GAN: variants seen among roughly 807,000 people sequenced by gnomAD.
The protein encoded by GAN is epididymis secretory sperm binding protein.
In GAN, 48 loss-of-function variants were observed where a neutral mutation model predicts 71.3. The observed-to-expected ratio is 0.67, with a 90% CI of 0.53 to 0.86. GAN has a LOEUF of 0.86. Among genes scored for constraint, GAN ranks in the 40% least tolerant of loss-of-function variants. GAN has a pLI of 0.00. For synonymous variants in GAN, 386 were observed against 276.8 expected (o/e 1.39, Z -3.92); for missense variants, 928 against 770.1 (o/e 1.21, Z -2.43).
chr16:81,375,853 C>A (rs1483700694), intron 9 of GAN, among the ~76,000 whole-genome samples: 1 of 151,436 alleles, frequency 6.6e-6, no homozygotes, highest in Non-Finnish European at 1.5e-5. Context: ...ACCTGTGGTC[C>A]CAACTATTTG....
At chr16:81,358,248 G>A (rs1291342764) in intron 5 of GAN, among the ~76,000 whole-genome samples, 2 of 152,154 alleles carry the variant, frequency 1.3e-5, no homozygotes, top group East Asian at 1.9e-4. Context: ...GGAACACAGC[G>A]TTTCTTTGCA....
At chr16:81,321,035 C>T (rs1285735438) in intron 1 of GAN, among the ~76,000 whole-genome samples, 2 of 151,940 alleles carry the variant, frequency 1.3e-5, no homozygotes, top group Non-Finnish European at 2.9e-5. Flanking sequence ...ATATTTTATC[C>T]AGGCTTCTAA....
At chr16:81,339,938 C>T (rs896339852) in intron 1 of GAN, among the ~76,000 whole-genome samples, 7 of 152,134 alleles carry the variant, frequency 4.6e-5, no homozygotes, top group Admixed American at 1.3e-4. Flanking sequence ...TTGGAGACTT[C>T]AAGTGTACAG....
intron 1 of GAN, among the ~76,000 whole-genome samples, chr16:81,315,588 G>A (rs1330923013): frequency 1.3e-5 from 2 of 152,050 alleles, no homozygotes; most frequent in Non-Finnish European, 1.5e-5. Context: ...CGCGGCGAGC[G>A]CCCGACCTCG....
At chr16:81,376,758 A>G (rs1904282806) in intron 9 of GAN, among the ~76,000 whole-genome samples, 1 of 151,986 alleles carries the variant, frequency 6.6e-6, no homozygotes. Flanking sequence ...CACACCTGTA[A>G]TCTCAGCTAC....
chr16:81,365,438 G>A lies in GAN; in HGVS notation c.1462G>A (p.Val488Ile), dbSNP rs1361444099. The change falls in exon 9 of 11, where the codon GTA becomes ATA. Residue 488 changes from valine to isoleucine, a missense_variant. Transcript: ENST00000648994. ...TGAGGACGCCCAGGGTAGCGAGATG[G>A]TAACTTGCAAGTCCGAGTTCTACCA... ...SREDAQGSEM[V>I]TCKSEFYHDE... 2.5e-6 allele frequency: 4 copies of A among 1,613,566 alleles called. No homozygotes were observed. The highest frequency in any genetic ancestry group is 3.4e-6 in the Non-Finnish European group (4 of 1,179,918).
chr16:81,314,982 G>A lies in GAN; in HGVS notation c.-132G>A, dbSNP rs910117246. On this transcript the variant is annotated 5_prime_UTR_variant, in exon 1 of 11. Transcript: ENST00000648994. ...GCCGCGGATAGCACAGGCACGTCCC[G>A]GGGGCTCCAGCTTCTGCTCAGAGCG... The A allele has an allele frequency of 1.9e-5, 14 of 732,688 alleles. No homozygotes were observed. Among genetic ancestry groups the A allele is most frequent in the African/African-American group, 1.3e-4 (7 of 53,618 alleles). The allele number at this position is 732,688 out of a possible 1,614,324, so 45.4% of individuals were successfully genotyped here. A position where few individuals can be genotyped will look rare whatever the true frequency, so the allele number is the denominator to read the frequency against.
At position 81,363,922 on chromosome 16, in the gene GAN, T is replaced by C; in HGVS notation, c.1215T>C (p.Pro405=). The part of the protein sequence containing the change: ...DIYSKTWTKQ[P]DLTMVRKIGC... ...ATTCTAAAACCTGGACAAAGCAACC[T>C]GATTTGACCATGGTCAGAAAGGTGA... The change falls in exon 7 of 11, where the codon CCT becomes CCC. Residue 405 remains proline, a synonymous_variant. Transcript: ENST00000648994. The C allele has an allele frequency of 6.2e-7, 1 of 1,613,608 alleles. No individual in the cohort carries two copies. Among genetic ancestry groups the C allele is most frequent in the Non-Finnish European group, 8.5e-7 (1 of 1,179,484 alleles).
intron 1 of GAN, among the ~76,000 whole-genome samples, chr16:81,331,149 G>T (rs1422618460): frequency 6.6e-6 from 1 of 152,242 alleles, no homozygotes; most frequent in African/African-American, 2.4e-5. Flanking sequence ...AGGCTGCAGT[G>T]ATCTGTGCTC....
intron 1 of GAN, among the ~76,000 whole-genome samples, chr16:81,319,222 A>ATATATATATATATATC (rs1043279307): frequency 6.7e-6 from 1 of 148,564 alleles, no homozygotes; most frequent in Admixed American, 6.7e-5. Flanking sequence ...ATATATATAT[A>ATATATATATATATATC]TATCTAACAA....
At position 81,385,279 on chromosome 16, in the gene GAN, C is replaced by T. The variant is rs1904366375; in HGVS notation, c.*7683C>T. On this transcript the variant is annotated 3_prime_UTR_variant, in exon 11 of 11. Transcript: ENST00000648994. The stretch of plus-strand genomic sequence containing the variant: ...ATGAGACATTTCCTGGAAGTGATTT[C>T]CATGAGAACAAAGGCTTATTCCTTT... 1 of 152,168 alleles carries T rather than the reference C, an allele frequency of 6.6e-6. No homozygotes were observed. The highest frequency in any genetic ancestry group is 1.5e-5 in the Non-Finnish European group (1 of 68,026). The allele number at this position is 152,168 out of a possible 1,614,324, so 9.4% of individuals were successfully genotyped here. A position where few individuals can be genotyped will look rare whatever the true frequency, so the allele number is the denominator to read the frequency against.
rs1211289629 is a variant in GAN, at chr16:81,380,262, G to A, written c.*2666G>A. 6.6e-6 allele frequency: 1 copy of A among 152,512 alleles called. No homozygotes were observed. The highest frequency in any genetic ancestry group is 6.6e-5 in the Admixed American group (1 of 15,262). The allele number at this position is 152,512 out of a possible 1,614,324, so 9.4% of individuals were successfully genotyped here. ...TTTTTGATACTTCTTTCTTGATAAG[G>A]CACTTTTACCAGGTGTGTGTTGGAA... On this transcript the variant is annotated 3_prime_UTR_variant, in exon 11 of 11. Transcript: ENST00000648994.
intron 1 of GAN, among the ~76,000 whole-genome samples, chr16:81,327,509 G>A (rs1188457250): frequency 6.6e-6 from 1 of 152,114 alleles, no homozygotes; most frequent in Non-Finnish European, 1.5e-5. Context: ...TAATGCTTCG[G>A]TTTGAACTAC....
intron 6 of GAN, among the ~76,000 whole-genome samples, chr16:81,362,935 T>A (rs1910726783): frequency 6.6e-6 from 1 of 152,196 alleles, no homozygotes; most frequent in African/African-American, 2.4e-5. Flanking sequence ...AGCTTTCCTG[T>A]CCCCGTCTTC....
intron 1 of GAN, among the ~76,000 whole-genome samples, chr16:81,325,520 C>T (rs762565150): frequency 1.3e-5 from 2 of 152,156 alleles, no homozygotes; most frequent in Non-Finnish European, 2.9e-5. Context: ...TCATCAGTTG[C>T]TAATCATTAA....
At chr16:81,328,239 G>A (rs985081233) in intron 1 of GAN, among the ~76,000 whole-genome samples, 2 of 152,186 alleles carry the variant, frequency 1.3e-5, no homozygotes, top group African/African-American at 4.8e-5. Context: ...GTTCTGAACA[G>A]TATACTTAAT....
intron 9 of GAN, among the ~76,000 whole-genome samples, chr16:81,370,469 A>T (rs1911003702): frequency 6.6e-6 from 1 of 152,264 alleles, no homozygotes; most frequent in Admixed American, 6.5e-5. Flanking sequence ...GGACTCTGAA[A>T]ACTGTAGAAA....
At chr16:81,361,384 T>A (rs1315530959) in intron 5 of GAN, among the ~76,000 whole-genome samples, 2 of 144,356 alleles carry the variant, frequency 1.4e-5, no homozygotes, top group Non-Finnish European at 3.0e-5. Context: ...TGGTATTAAC[T>A]GTAAGTTAAG....
At chr16:81,317,043 G>T (rs1418240955) in intron 1 of GAN, among the ~76,000 whole-genome samples, 1 of 152,094 alleles carries the variant, frequency 6.6e-6, no homozygotes, top group Admixed American at 6.5e-5. Context: ...ATTTTTAGTA[G>T]AGTCGGGGTT....
Sources: gnomAD v4.1 joint callset for allele counts (sites outside exome capture counted in the v4.1 genomes callset) on GRCh38, gnomAD v4.1.1 for gene constraint, MANE v1.5 for transcripts, NCBI Gene and HGNC (gene_info 2026-07-23, HGNC 2026-07-21) for gene names.